The following SNTG2 variants were observed in gnomAD, a reference collection of about 807,000 sequenced individuals.
SNTG2 encodes gamma-2-syntrophin.
A neutral mutation model predicts 70.9 loss-of-function variants in SNTG2; 74 were observed. That is an observed-to-expected ratio of 1.04 (90% CI 0.86 to 1.27). The LOEUF (loss-of-function observed/expected upper bound fraction) is 1.27. SNTG2 is among the 50% of genes most tolerant of loss of function. The pLI is 0.00. For synonymous variants in SNTG2, 278 were observed against 273.8 expected, an observed-to-expected ratio of 1.02 and a Z score of -0.15; for missense variants, 717 against 690.7, an observed-to-expected ratio of 1.04 and a Z score of -0.43.
chr2:1,229,587 G>A (rs1267130534), intron 9 of SNTG2, among the ~76,000 whole-genome samples: 1 of 152,234 alleles, frequency 6.6e-6, no homozygotes, highest in African/African-American at 2.4e-5. Flanking sequence ...CCAGTCCCGC[G>A]CCGTGCGCTC....
chr2:954,686 C>T (rs1660085679), intron 1 of SNTG2, among the ~76,000 whole-genome samples: 1 of 152,206 alleles, frequency 6.6e-6, no homozygotes, highest in South Asian at 2.1e-4. Context: ...TAATCCCTCA[C>T]CTGAGGACTG....
At position 1,222,045 on chromosome 2, in the gene SNTG2, C is replaced by G. The variant is rs1182282917; in HGVS notation, c.719+12815C>G. On this transcript the variant is annotated intron_variant, in intron 9 of 16. Coordinates refer to ENST00000308624, the MANE Select transcript of SNTG2 (RefSeq NM_018968.4). ...TGTCTCTGCCTATCTCTGTCTCTCT[C>G]TGTCTCTCTCTGTCTCTGTTTCTCT... is the stretch of plus-strand genomic sequence containing the variant. Among the ~76,000 whole-genome samples the G allele has an allele frequency of 8.6e-5, 4 of 46,626 alleles. 2 individuals carry two copies. The highest frequency in any genetic ancestry group is 3.7e-4 in the Admixed American group (2 of 5,468). 30.6% of individuals were successfully genotyped at this position (46,626 alleles called of 152,430 possible).
intron 6 of SNTG2, among the ~76,000 whole-genome samples, chr2:1,141,064 T>C: frequency 6.6e-6 from 1 of 152,156 alleles, no homozygotes; most frequent in East Asian, 1.9e-4. Flanking sequence ...GAAGGAACCT[T>C]CCAAATCATC....
At chr2:1,306,783 A>G (rs9751877) in intron 14 of SNTG2, among the ~76,000 whole-genome samples, 84,553 of 150,854 alleles carry the variant, frequency 0.56, 24,015 homozygotes, top group African/African-American at 0.67. Flanking sequence ...TCACCTGTGT[A>G]CTCTGTGTGT....
intron 1 of SNTG2, among the ~76,000 whole-genome samples, chr2:1,005,659 C>G (rs1659539820): frequency 6.6e-6 from 1 of 150,834 alleles, no homozygotes; most frequent in East Asian, 2.0e-4. Flanking sequence ...CAAAAATTAG[C>G]CAGGCGTGGT....
At chr2:1,317,501 T>C (rs1186784923) in intron 16 of SNTG2, among the ~76,000 whole-genome samples, 1 of 117,820 alleles carries the variant, frequency 8.5e-6, no homozygotes, top group African/African-American at 3.1e-5. Flanking sequence ...CAGGTCAGCA[T>C]TGGAGAAGGT....
At chr2:1,357,770 A>G (rs1167987449) in intron 16 of SNTG2, among the ~76,000 whole-genome samples, 1 of 149,240 alleles carries the variant, frequency 6.7e-6, no homozygotes, top group Non-Finnish European at 1.5e-5. Flanking sequence ...AATTTATCCA[A>G]TTTTTTTCTA....
At chr2:1,254,124 C>T (rs1303455814) in intron 12 of SNTG2, among the ~76,000 whole-genome samples, 1 of 152,178 alleles carries the variant, frequency 6.6e-6, no homozygotes, top group East Asian at 1.9e-4. Context: ...TCACAGACCC[C>T]AACCGTATCA....
At chr2:978,150 G>C (rs1213637712) in intron 1 of SNTG2, among the ~76,000 whole-genome samples, 2 of 152,192 alleles carry the variant, frequency 1.3e-5, no homozygotes, top group African/African-American at 4.8e-5. Context: ...GAAGGCGAGA[G>C]GGGGCAAAGG....
chr2:1,021,625 C>G (rs1660180343), intron 1 of SNTG2, among the ~76,000 whole-genome samples: 1 of 151,256 alleles, frequency 6.6e-6, no homozygotes, highest in African/African-American at 2.4e-5. Context: ...GCTTTAGGGC[C>G]AGAGTCTTTC....
intron 16 of SNTG2, among the ~76,000 whole-genome samples, chr2:1,354,273 C>T (rs1315430220): frequency 8.0e-6 from 1 of 125,230 alleles, no homozygotes; most frequent in African/African-American, 3.0e-5. Flanking sequence ...CGTGGCAGAG[C>T]GGCTGCCTGA....
At chr2:1,086,456 C>T (rs796442702) in intron 2 of SNTG2, among the ~76,000 whole-genome samples, 56 of 152,278 alleles carry the variant, frequency 3.7e-4, no homozygotes, top group African/African-American at 1.3e-3. Context: ...ACACAAATCC[C>T]GAAGGATCCC....
chr2:1,282,616 C>T (rs1257460526), intron 14 of SNTG2, among the ~76,000 whole-genome samples: 1 of 152,168 alleles, frequency 6.6e-6, no homozygotes. Context: ...GCATCACTCA[C>T]AATAACGCCG....
intron 1 of SNTG2, among the ~76,000 whole-genome samples, chr2:1,041,218 A>G (rs1661417391): frequency 6.6e-6 from 1 of 152,188 alleles, no homozygotes; most frequent in Admixed American, 6.5e-5. Context: ...TGTAAAGAAC[A>G]GTTAACCATA....
chr2:1,192,403 G>A (rs944495710), intron 8 of SNTG2, among the ~76,000 whole-genome samples: 2 of 152,144 alleles, frequency 1.3e-5, no homozygotes, highest in African/African-American at 2.4e-5. Flanking sequence ...AGTGCTGTGC[G>A]ATAAGAGAAG....
At chr2:1,232,676 A>T (rs143850317) in intron 9 of SNTG2, among the ~76,000 whole-genome samples, 1 of 152,216 alleles carries the variant, frequency 6.6e-6, no homozygotes. Context: ...TTTAATATGG[A>T]CTATTTAGAA....
chr2:1,209,343 C>A, intron 9 of SNTG2, 113 bp downstream of exon 9: 3 of 1,267,048 alleles, frequency 2.4e-6, no homozygotes, highest in Non-Finnish European at 3.3e-6. Context: ...AGCAAGTGTG[C>A]GTGCTGTCTT....
intron 14 of SNTG2, among the ~76,000 whole-genome samples, chr2:1,282,627 C>A (rs76112321): frequency 0.05 from 7,656 of 151,790 alleles, 648 homozygotes; most frequent in African/African-American, 0.18. Context: ...AATAACGCCG[C>A]CTCCCCCGCA....
At chr2:974,787 T>C (rs955717021) in intron 1 of SNTG2, among the ~76,000 whole-genome samples, 1 of 152,160 alleles carries the variant, frequency 6.6e-6, no homozygotes, top group African/African-American at 2.4e-5. Context: ...TTTGTTGCCT[T>C]GAAGCCATAG....
Sources: gnomAD v4.1 joint callset for allele counts (sites outside exome capture counted in the v4.1 genomes callset) on GRCh38, gnomAD v4.1.1 for gene constraint, MANE v1.5 for transcripts, NCBI Gene and HGNC (gene_info 2026-07-23, HGNC 2026-07-21) for gene names.